The following BTC variants were observed in gnomAD, a reference collection of about 807,000 sequenced individuals.
BTC encodes probetacellulin.
Under a neutral mutation model 18.1 loss-of-function variants are expected in BTC, and 13 were observed. The ratio of observed to expected loss-of-function variants is 0.72; its 90% CI spans 0.47 to 1.14. The LOEUF is 1.14. Among genes scored for constraint, BTC ranks in the 50% most tolerant of loss-of-function variants. The pLI is 0.00. For synonymous variants in BTC, 83 were observed against 79.4 expected, an observed-to-expected ratio of 1.05 and a Z score of -0.24; for missense variants, 247 against 224.2, an observed-to-expected ratio of 1.10 and a Z score of -0.65.
At chr4:74,785,131 A>G (rs1362660619) in intron 1 of BTC, among the ~76,000 whole-genome samples, 5 of 152,178 alleles carry the variant, frequency 3.3e-5, no homozygotes, top group East Asian at 1.9e-4. Flanking sequence ...CAGGGATTCA[A>G]TTTCTTCCTG....
intron 4 of BTC, among the ~76,000 whole-genome samples, chr4:74,749,129 G>A (rs1456952740): frequency 6.6e-6 from 1 of 152,050 alleles, no homozygotes; most frequent in Non-Finnish European, 1.5e-5. Context: ...GAGGAACCGA[G>A]ACAAAAATCA....
At chr4:74,770,258 A>G in intron 1 of BTC, 102 bp from the exon 2 acceptor site, 1 of 916,052 alleles carries the variant, frequency 1.1e-6, no homozygotes, top group Admixed American at 2.8e-5. Flanking sequence ...GAAAATAACA[A>G]GACTATGGTT....
intron 1 of BTC, among the ~76,000 whole-genome samples, chr4:74,789,685 T>G (rs1725570840): frequency 6.6e-6 from 1 of 152,196 alleles, no homozygotes; most frequent in Non-Finnish European, 1.5e-5. Context: ...CCTAAATTAA[T>G]GTATTTTTCT....
intron 1 of BTC, among the ~76,000 whole-genome samples, chr4:74,783,632 G>GT (rs1322075147): frequency 1.8e-5 from 2 of 112,856 alleles, no homozygotes; most frequent in African/African-American, 7.1e-5. Flanking sequence ...TTTTAAAATA[G>GT]TTTTTTCTAA....
chr4:74,769,572 A>G (rs140578930), intron 2 of BTC, among the ~76,000 whole-genome samples: 172 of 152,336 alleles, frequency 1.1e-3, no homozygotes, highest in African/African-American at 3.9e-3. Flanking sequence ...GATAAGTTTG[A>G]GAACACTAAT....
At chr4:74,752,457 CA>C in intron 3 of BTC, among the ~76,000 whole-genome samples, 1 of 149,016 alleles carries the variant, frequency 6.7e-6, no homozygotes, top group Admixed American at 6.8e-5. Context: ...CGGTTCACTG[CA>C]ACCTCCGTCT....
At chr4:74,761,403 A>C (rs1218783053) in intron 2 of BTC, among the ~76,000 whole-genome samples, 1 of 152,140 alleles carries the variant, frequency 6.6e-6, no homozygotes, top group Non-Finnish European at 1.5e-5. Context: ...GGGTAAGCTC[A>C]TCAAGACTCC....
At chr4:74,747,586 A>G (rs1724325374) in intron 5 of BTC, among the ~76,000 whole-genome samples, 1 of 152,174 alleles carries the variant, frequency 6.6e-6, no homozygotes, top group Admixed American at 6.5e-5. Context: ...TGGTTCTTGC[A>G]TTACAATCTC....
rs58550864 is a variant in BTC at position 74,767,036 on chromosome 4, C to T, written c.163+3022G>A. On this transcript the variant is annotated intron_variant, in intron 2 of 5. Coordinates refer to ENST00000395743, the MANE Select transcript of BTC (RefSeq NM_001729.4). Reference sequence around the variant, plus strand: ...GCAAGACAAGAATGCCCAGTCTAACCGCTTCTATGCAACATAGCGCAGGAA... The same window carrying T: ...GCAAGACAAGAATGCCCAGTCTAACTGCTTCTATGCAACATAGCGCAGGAA... Among the ~76,000 whole-genome samples the T allele has an allele frequency of 2.5e-4, 38 of 151,986 alleles. No homozygotes were observed. The East Asian group carries it at 6.6e-3, about 26-fold the overall frequency.
intron 2 of BTC, among the ~76,000 whole-genome samples, chr4:74,758,432 A>G (rs1235618600): frequency 6.6e-6 from 1 of 152,172 alleles, no homozygotes. Flanking sequence ...GGGCGGACAC[A>G]TACAATGTGA....
intron 1 of BTC, among the ~76,000 whole-genome samples, chr4:74,793,470 C>G (rs1373168685): frequency 1.3e-5 from 2 of 152,204 alleles, no homozygotes; most frequent in African/African-American, 4.8e-5. Flanking sequence ...GCTCCAAACC[C>G]AGATGTGTCT....
At chr4:74,780,759 C>T (rs1229629201) in intron 1 of BTC, among the ~76,000 whole-genome samples, 1 of 152,000 alleles carries the variant, frequency 6.6e-6, no homozygotes, top group African/African-American at 2.4e-5. Flanking sequence ...AGATGAGGAC[C>T]ATAAGAGAAC....
intron 1 of BTC, among the ~76,000 whole-genome samples, chr4:74,776,751 G>T (rs1470419571): frequency 6.6e-6 from 1 of 152,134 alleles, no homozygotes; most frequent in East Asian, 1.9e-4. Context: ...CATGTGCGTT[G>T]TATTTGCCTC....
intron 1 of BTC, among the ~76,000 whole-genome samples, chr4:74,792,207 C>T (rs1181293297): frequency 1.3e-5 from 2 of 152,256 alleles, no homozygotes; most frequent in East Asian, 3.9e-4. Context: ...ATCTAGAGAC[C>T]AAATTCAATT....
rs200147786 is a variant in BTC, at chr4:74,746,023, C to T, written c.*654G>A. On this transcript the variant is annotated 3_prime_UTR_variant, in exon 6 of 6. Transcript: ENST00000395743. The stretch of plus-strand genomic sequence containing the variant: ...GTGGGAAGACGGTCTTGACATCTCA[C>T]AATCATACCAAAACACAGTTCAGTA... 2 of 152,186 alleles carry T rather than the reference C, an allele frequency of 1.3e-5. No individual in the cohort carries two copies. The highest frequency in any genetic ancestry group is 3.8e-4 in the East Asian group (2 of 5,204). 9.4% of individuals were successfully genotyped at this position (152,186 alleles called of 1,614,324 possible).
chr4:74,756,616 G>T (rs1724607163), intron 2 of BTC, among the ~76,000 whole-genome samples: 1 of 152,208 alleles, frequency 6.6e-6, no homozygotes, highest in African/African-American at 2.4e-5. Context: ...CATACACTCT[G>T]GCATTTGTTG....
At chr4:74,782,827 T>C (rs1725369404) in intron 1 of BTC, among the ~76,000 whole-genome samples, 1 of 152,212 alleles carries the variant, frequency 6.6e-6, no homozygotes, top group Non-Finnish European at 1.5e-5. Context: ...CATTGTGGTT[T>C]TGATTCTCAT....
intron 1 of BTC, among the ~76,000 whole-genome samples, chr4:74,772,496 T>C (rs1725068747): frequency 6.6e-6 from 1 of 152,130 alleles, no homozygotes; most frequent in Non-Finnish European, 1.5e-5. Flanking sequence ...AATCAATCTA[T>C]AAACGAACAA....
At chr4:74,772,930 C>CCCAGG (rs1467042657) in intron 1 of BTC, among the ~76,000 whole-genome samples, 4 of 152,180 alleles carry the variant, frequency 2.6e-5, no homozygotes, top group African/African-American at 9.7e-5. Context: ...GGGGCTATGG[C>CCCAGG]CCAGGCTCCT....
Sources: gnomAD v4.1 joint callset for allele counts (sites outside exome capture counted in the v4.1 genomes callset) on GRCh38, gnomAD v4.1.1 for gene constraint, MANE v1.5 for transcripts, NCBI Gene and HGNC (gene_info 2026-07-23, HGNC 2026-07-21) for gene names.